HEATR6: variants seen among roughly 807,000 people sequenced by gnomAD.
The protein encoded by HEATR6 is HEAT repeat containing 6, also known as HEAT repeat-containing protein 6.
A neutral mutation model predicts 132.8 loss-of-function variants in HEATR6; 106 were observed. The observed-to-expected ratio is 0.80, with a 90% CI of 0.68 to 0.94. The LOEUF (loss-of-function observed/expected upper bound fraction) is 0.94. HEATR6 is among the 40% of genes least tolerant of loss of function. The probability of loss-of-function intolerance (pLI) is 0.00; values close to 1 mark genes in which losing one functional copy is unlikely to be tolerated. For missense variants in HEATR6, 1,339 were observed against 1,425.1 expected (o/e 0.94, Z 0.97); for synonymous variants, 529 against 537.8 (o/e 0.98, Z 0.23).
chr17:60,046,124 C>T lies in HEATR6; in HGVS notation c.2875G>A (p.Ala959Thr). Reference protein sequence around the residue: ...FAEIIEESIQALISTVLTEAA... With the variant: ...FAEIIEESIQTLISTVLTEAA... ...TCTGTTAGAACAGTAGAAATTAGGG[C>T]CTGGATAGACTCCTCAATGATTTCT... is the stretch of plus-strand genomic sequence containing the variant. The change falls in exon 19 of 20, where the codon GCC becomes ACC. Residue 959 changes from alanine (A) to threonine (T), a missense_variant. By Grantham distance (58) the Ala-to-Thr change is moderately conservative. Coordinates refer to ENST00000184956, the MANE Select transcript of HEATR6 (RefSeq NM_022070.5). The T allele has an allele frequency of 1.2e-6, 2 of 1,613,680 alleles. No individual in the cohort carries two copies. The highest frequency in any genetic ancestry group is 1.7e-6 in the Non-Finnish European group (2 of 1,179,650).
chr17:60,058,683 G>A (rs1310880026), intron 11 of HEATR6, among the ~76,000 whole-genome samples: 1 of 152,208 alleles, frequency 6.6e-6, no homozygotes, highest in Non-Finnish European at 1.5e-5. Flanking sequence ...AGGGTTCAGA[G>A]AGGGTCATGG....
rs1447439758 is a variant in HEATR6 at position 60,078,695 on chromosome 17, C to T, written c.219+1G>A. 1.3e-6 allele frequency: 2 copies of T among 1,539,164 alleles called. No homozygotes were observed. The highest frequency in any genetic ancestry group is 4.9e-5 in the East Asian group (2 of 40,634). On this transcript the variant is annotated splice_donor_variant, in intron 1 of 19. Transcript: ENST00000184956. LOFTEE classifies it high-confidence loss of function. The stretch of plus-strand genomic sequence containing the variant: ...CGGGGCCAGCAGGGCGCGCCGCCTA[C>T]CTCCGGGGCCACGCCACTGCCCTCG...
rs1906781345 is a variant in HEATR6, at chr17:60,057,400, A to G, written c.1727T>C (p.Val576Ala). The change falls in exon 12 of 20, where the codon GTT becomes GCT. Residue 576 changes from valine (V) to alanine (A), a missense_variant. Transcript: ENST00000184956. ...QIKPYIRHKD[V>A]NVRVSSLTLL... ...TGTGAGACTTGACACACGAACATTA[A>G]CATCTGTCAAAGGAAGCAGTAAGAA... The G allele has an allele frequency of 6.3e-7, 1 of 1,580,124 alleles. No individual in the cohort carries two copies.
chr17:60,043,536 C>G lies in HEATR6; in HGVS notation c.*27G>C, dbSNP rs200810311. The G allele has an allele frequency of 7.0e-6, 11 of 1,569,528 alleles. No individual in the cohort carries two copies. Among genetic ancestry groups the G allele is most frequent in the East Asian group, 2.3e-5 (1 of 44,310 alleles). On this transcript the variant is annotated 3_prime_UTR_variant, in exon 20 of 20. Coordinates refer to ENST00000184956, the MANE Select transcript of HEATR6 (RefSeq NM_022070.5). ...GCTCAGGTCTTCCTACTGCCGCCTT[C>G]GACATCTAGAAAGTATGGTGGGATC...
At position 60,043,408 on chromosome 17, in the gene HEATR6, T is replaced by C. The variant is rs1035385502; in HGVS notation, c.*155A>G. The C allele has an allele frequency of 5.9e-6, 4 of 674,812 alleles. No homozygotes were observed. The highest frequency in any genetic ancestry group is 1.9e-5 in the South Asian group (1 of 51,612). The allele number at this position is 674,812 out of a possible 1,614,324, so 41.8% of individuals were successfully genotyped here. ...GCTATGGAGTCACTCCAAAGGTGGT[T>C]GAGCCCTCTGTGAAAATTTAAATGG... On this transcript the variant is annotated 3_prime_UTR_variant, in exon 20 of 20. Coordinates refer to ENST00000184956, the MANE Select transcript of HEATR6 (RefSeq NM_022070.5).
Position 60,059,436 on chromosome 17 carries a change from T to C in HEATR6, c.1709A>G (p.Tyr570Cys). ...LTKVWNQIKP[Y>C]IRHKDVNVRV... ...CCACTACAAACCTTTGTGGCGAATA[T>C]AAGGCTTTATCTGGTTCCAGACTTT... Residue 570 changes from tyrosine (Y) to cysteine (C), a missense_variant, in exon 11 of 20, where the codon TAT (tyrosine) becomes TGT (cysteine). Transcript: ENST00000184956. 1 of 1,611,322 alleles carries C rather than the reference T, an allele frequency of 6.2e-7. No individual in the cohort carries two copies. The highest frequency in any genetic ancestry group is 8.5e-7 in the Non-Finnish European group (1 of 1,177,972).
rs1003607729 is a variant in HEATR6, at chr17:60,048,306, G to C, written c.2630C>G (p.Ala877Gly). The C allele has an allele frequency of 6.2e-7, 1 of 1,613,668 alleles. No homozygotes were observed. Among genetic ancestry groups the C allele is most frequent in the African/African-American group, 1.3e-5 (1 of 75,004 alleles). The part of the protein sequence containing the change: ...DKSLNVRAKA[A>G]WSLGNLTDTL... ...GTCTGTCAGGTTGCCCAGGGACCAG[G>C]CTGCTTTGGCTCGAACATTCAGAGA... Residue 877 changes from alanine to glycine, a missense_variant, in exon 17 of 20, where the codon GCC becomes GGC. Coordinates refer to ENST00000184956, the MANE Select transcript of HEATR6 (RefSeq NM_022070.5).
chr17:60,072,832 A>G (rs2083276932), intron 4 of HEATR6, among the ~76,000 whole-genome samples: 1 of 152,318 alleles, frequency 6.6e-6, no homozygotes, highest in South Asian at 2.1e-4. Flanking sequence ...GATACATCTC[A>G]CCAGCACTTA....
chr17:60,062,957 C>T (rs1315472193), intron 9 of HEATR6: 2 of 176,208 alleles, frequency 1.1e-5, no homozygotes, highest in East Asian at 3.3e-4. Context: ...TAAAGAAGTG[C>T]CTTTTGCCTC....
intron 1 of HEATR6, among the ~76,000 whole-genome samples, chr17:60,078,277 G>GT (rs980518195): frequency 6.6e-6 from 1 of 152,208 alleles, no homozygotes; most frequent in African/African-American, 2.4e-5. Context: ...ACGAGCTTCA[G>GT]TATTTTCATT....
chr17:60,055,183 T>C (rs1437034005), intron 14 of HEATR6, among the ~76,000 whole-genome samples: 4 of 152,124 alleles, frequency 2.6e-5, no homozygotes, highest in Non-Finnish European at 4.4e-5. Flanking sequence ...TCCTCAGAGG[T>C]AGATGCTGGC....
intron 13 of HEATR6, 32 bp downstream of exon 13, chr17:60,056,083 G>A: frequency 1.2e-6 from 2 of 1,609,466 alleles, no homozygotes; most frequent in Non-Finnish European, 1.7e-6. Context: ...GTGAAGAGAA[G>A]GAAAAAGCAT....
At position 60,047,392 on chromosome 17, in the gene HEATR6, G is replaced by A. The variant is rs995466740; in HGVS notation, c.2686C>T (p.Pro896Ser). ...TLIVNMETPD[P>S]SFQEEFSGLL... ...CCAGAGAACTCTTCCTGGAAACTTG[G>A]GTCTGGTGTTTCCCTGTTCCACCCA... The change falls in exon 18 of 20, where the codon CCA (proline) becomes TCA (serine). Residue 896 changes from proline (P) to serine (S), a missense_variant. Transcript: ENST00000184956. The A allele has an allele frequency of 1.9e-6, 3 of 1,611,318 alleles. No individual in the cohort carries two copies. The highest frequency in any genetic ancestry group is 2.5e-6 in the Non-Finnish European group (3 of 1,178,322).
intron 2 of HEATR6, 195 bp from the exon 3 acceptor site, chr17:60,074,081 G>T: frequency 7.8e-7 from 1 of 1,284,762 alleles, no homozygotes; most frequent in African/African-American, 1.5e-5. Flanking sequence ...CCAAGGTCTT[G>T]CTCACTTCTT....
intron 14 of HEATR6, among the ~76,000 whole-genome samples, chr17:60,051,881 G>A (rs2145184369): frequency 6.6e-6 from 1 of 152,250 alleles, no homozygotes; most frequent in East Asian, 1.9e-4. Context: ...CAGTCTCCAG[G>A]ATGGCACACA....
At position 60,044,015 on chromosome 17, in the gene HEATR6, G is replaced by A. The variant is rs772962625; in HGVS notation, c.3094C>T (p.Gln1032Ter). The A allele has an allele frequency of 6.2e-7, 1 of 1,614,112 alleles. No homozygotes were observed. The highest frequency in any genetic ancestry group is 1.7e-5 in the Admixed American group (1 of 60,010). Residue 1032 changes from glutamine to a stop codon, truncating the protein, a stop_gained, in exon 20 of 20, where the codon CAG (glutamine) becomes TAG (stop). Transcript: ENST00000184956. LOFTEE classifies it high-confidence loss of function. Reference protein sequence around the residue: ...AALSVPGKREQYGSVDQYARI... With the variant: ...AALSVPGKRE Reference sequence around the variant, plus strand: ...GCATACTGGTCAACAGACCCGTACTGCTCTCTCTTCCCCGGGACGGAAAGG... The same window carrying A: ...GCATACTGGTCAACAGACCCGTACTACTCTCTCTTCCCCGGGACGGAAAGG...
intron 5 of HEATR6, among the ~76,000 whole-genome samples, 167 bp from the exon 6 acceptor site, chr17:60,070,974 G>A (rs761861785): frequency 3.3e-5 from 5 of 152,110 alleles, no homozygotes; most frequent in Non-Finnish European, 7.4e-5. Context: ...GAAGATCTAA[G>A]GAGACCTAAT....
At chr17:60,067,098 G>A (rs900392954) in intron 8 of HEATR6, among the ~76,000 whole-genome samples, 5 of 151,416 alleles carry the variant, frequency 3.3e-5, no homozygotes, top group African/African-American at 1.2e-4. Context: ...GTGAAACCCC[G>A]TCTCTACTAA....
intron 9 of HEATR6, chr17:60,063,403 T>G (rs889610436): frequency 1.3e-5 from 2 of 152,154 alleles, no homozygotes; most frequent in African/African-American, 2.4e-5. Context: ...CCTAAGGAAA[T>G]CATATCCAAG....
Sources: allele counts gnomAD v4.1 joint callset (sites outside exome capture counted in the v4.1 genomes callset), GRCh38; gene constraint gnomAD v4.1.1; transcripts MANE v1.5; gene names NCBI Gene and HGNC (gene_info 2026-07-23, HGNC 2026-07-21).